The following TBC1D32 variants were observed in gnomAD, a reference collection of about 807,000 sequenced individuals.
TBC1D32 encodes the protein TBC1 domain family member 32, also known as protein broad-minded.
A neutral mutation model predicts 170.3 loss-of-function variants in TBC1D32; 151 were observed. The observed-to-expected ratio is 0.89, with a 90% CI of 0.78 to 1.01. TBC1D32 has a LOEUF of 1.01. Ranked by LOEUF, TBC1D32 falls within the 50% of genes least tolerant of loss-of-function variation. The pLI is 0.00. For missense variants in TBC1D32, 1,464 were observed against 1,457.1 expected (o/e 1.00, Z -0.08); for synonymous variants, 498 against 488.0 (o/e 1.02, Z -0.27).
rs1167528894 is a variant in TBC1D32 at position 121,200,585 on chromosome 6, C to T, written c.2570+4490G>A. ...TAAATGCTAACCAAATAACTCAAAA[C>T]GATCTGGCAATGTGGTAGACACGAA... On this transcript the variant is annotated intron_variant, in intron 22 of 31. Transcript: ENST00000398212. 1.3e-5 allele frequency among the ~76,000 whole-genome samples: 2 copies of T among 151,510 alleles called. 1 individual carries two copies. The highest frequency in any genetic ancestry group is 4.9e-5 in the African/African-American group (2 of 40,842).
chr6:121,271,106 C>T (rs549967858), intron 15 of TBC1D32, among the ~76,000 whole-genome samples: 5 of 152,210 alleles, frequency 3.3e-5, no homozygotes, highest in South Asian at 2.1e-4. Context: ...ATAGATGGGA[C>T]GTATCTCAAA....
chr6:121,151,369 T>C (rs775253923), intron 24 of TBC1D32, among the ~76,000 whole-genome samples: 3 of 152,216 alleles, frequency 2.0e-5, no homozygotes, highest in Non-Finnish European at 4.4e-5. Flanking sequence ...TGAGAGACTG[T>C]TTATTATGAT....
intron 22 of TBC1D32, among the ~76,000 whole-genome samples, chr6:121,190,511 T>G (rs1362671864): frequency 6.6e-6 from 1 of 151,694 alleles, no homozygotes; most frequent in Admixed American, 6.6e-5. Flanking sequence ...GCCTCTAATT[T>G]TATCTCTGGA....
At chr6:121,204,266 G>T (rs1345566309) in intron 22 of TBC1D32, among the ~76,000 whole-genome samples, 3 of 151,146 alleles carry the variant, frequency 2.0e-5, no homozygotes, top group African/African-American at 7.4e-5. Context: ...GTACTATAAA[G>T]TCCAAACACG....
At chr6:121,248,719 T>C (rs747903028) in intron 17 of TBC1D32, among the ~76,000 whole-genome samples, 5 of 151,420 alleles carry the variant, frequency 3.3e-5, no homozygotes, top group South Asian at 2.1e-4. Flanking sequence ...ATAAATAAAT[T>C]TGTGGAAATA....
chr6:121,250,146 T>A (rs58114094), intron 17 of TBC1D32, among the ~76,000 whole-genome samples: 7,712 of 151,924 alleles, frequency 0.051, 366 homozygotes, highest in African/African-American at 0.12. Context: ...AAGTACGAAT[T>A]CTACCAGAGA....
intron 15 of TBC1D32, among the ~76,000 whole-genome samples, chr6:121,261,572 A>G (rs1037406269): frequency 4.6e-5 from 7 of 152,310 alleles, no homozygotes; most frequent in Admixed American, 3.3e-4. Context: ...ACAAACAGAA[A>G]GCTACAACAA....
intron 24 of TBC1D32, among the ~76,000 whole-genome samples, chr6:121,135,716 G>A (rs933770183): frequency 3.9e-5 from 6 of 152,106 alleles, no homozygotes; most frequent in Non-Finnish European, 7.4e-5. Context: ...CAACAGCTGG[G>A]GGTTATAAAC....
rs185182656 is a variant in TBC1D32 at position 121,233,555 on chromosome 6, C to T, written c.2364+5515G>A. Among the ~76,000 whole-genome samples the T allele has an allele frequency of 1.6e-3, 243 of 152,172 alleles. 2 individuals are homozygous for T. Among genetic ancestry groups the T allele is most frequent in the African/African-American group, 5.4e-3 (223 of 41,552 alleles). On this transcript the variant is annotated intron_variant, in intron 20 of 31. Coordinates refer to ENST00000398212, the MANE Select transcript of TBC1D32 (RefSeq NM_152730.6). ...CTGCTCACTTTTAGTGTCCACTGCACGGAATATCTTTTTCCACCCCTTTAT... is the reference window on the plus strand; with the variant it reads ...CTGCTCACTTTTAGTGTCCACTGCATGGAATATCTTTTTCCACCCCTTTAT...
intron 24 of TBC1D32, among the ~76,000 whole-genome samples, chr6:121,158,575 A>C (rs1371123457): frequency 1.3e-5 from 2 of 151,866 alleles, no homozygotes; most frequent in Admixed American, 1.3e-4. Context: ...GTAAGAGGAC[A>C]CTCCAGCTTT....
chr6:121,206,352 TG>T (rs1376751865), intron 21 of TBC1D32, among the ~76,000 whole-genome samples: 29 of 152,260 alleles, frequency 1.9e-4, no homozygotes, highest in African/African-American at 7.0e-4. Context: ...CCAAGAAACT[TG>T]CTACTCTCCA....
intron 30 of TBC1D32, among the ~76,000 whole-genome samples, chr6:121,103,977 G>T (rs1778427852): frequency 6.6e-6 from 1 of 151,814 alleles, no homozygotes; most frequent in Non-Finnish European, 1.5e-5. Flanking sequence ...GGTATATATA[G>T]CAAGAGCAAA....
intron 15 of TBC1D32, among the ~76,000 whole-genome samples, chr6:121,268,610 G>A (rs560112130): frequency 2.8e-4 from 43 of 152,282 alleles, no homozygotes; most frequent in African/African-American, 8.7e-4. Flanking sequence ...ATGGGACTAC[G>A]TGAAAAGACC....
chr6:121,147,492 C>T (rs1783615819), intron 24 of TBC1D32, among the ~76,000 whole-genome samples: 1 of 152,102 alleles, frequency 6.6e-6, no homozygotes, highest in African/African-American at 2.4e-5. Flanking sequence ...TATTTTTTGA[C>T]TTTTAAATTA....
chr6:121,228,315 G>A (rs1033566135), intron 20 of TBC1D32, among the ~76,000 whole-genome samples: 1 of 152,020 alleles, frequency 6.6e-6, no homozygotes, highest in Non-Finnish European at 1.5e-5. Context: ...GGTTTTGGCT[G>A]TAATTTGCTC....
chr6:121,160,801 A>G (rs898356613), intron 23 of TBC1D32, 147 bp downstream of exon 23: 74 of 670,208 alleles, frequency 1.1e-4, no homozygotes, highest in Non-Finnish European at 1.8e-4. Flanking sequence ...GAAAGTATTT[A>G]TTTGCATCCT....
At chr6:121,157,994 C>T (rs1273754) in intron 24 of TBC1D32, among the ~76,000 whole-genome samples, 132,286 of 152,018 alleles carry the variant, frequency 0.87, 59,700 homozygotes, top group Non-Finnish European at 0.98. Context: ...GATCGTCATC[C>T]TGTATAGTAT....
chr6:121,099,030 T>C (rs1245525114), intron 30 of TBC1D32, among the ~76,000 whole-genome samples: 1 of 151,968 alleles, frequency 6.6e-6, no homozygotes, highest in Non-Finnish European at 1.5e-5. Context: ...AAAAGCAATG[T>C]GTCACAAAAA....
intron 24 of TBC1D32, among the ~76,000 whole-genome samples, chr6:121,143,350 TAAAG>T (rs1318775666): frequency 1.3e-5 from 2 of 152,126 alleles, no homozygotes; most frequent in African/African-American, 2.4e-5. Context: ...AAAATGTTCA[TAAAG>T]AAAAACAATT....
Sources: allele counts gnomAD v4.1 joint callset (sites outside exome capture counted in the v4.1 genomes callset), GRCh38; gene constraint gnomAD v4.1.1; transcripts MANE v1.5; gene names NCBI Gene and HGNC (gene_info 2026-07-23, HGNC 2026-07-21).